LIMK1: variants seen among roughly 807,000 people sequenced by gnomAD.
The protein encoded by LIMK1 is LIM domain kinase 1, also known as LIM motif-containing protein kinase.
A neutral mutation model predicts 77.6 loss-of-function variants in LIMK1; 21 were observed. The ratio of observed to expected loss-of-function variants is 0.27; its 90% CI spans 0.19 to 0.39. The LOEUF (loss-of-function observed/expected upper bound fraction) is 0.39. Among genes scored for constraint, LIMK1 ranks in the 10% least tolerant of loss-of-function variants. The probability of loss-of-function intolerance (pLI) is 1.00; values close to 1 mark genes in which losing one functional copy is unlikely to be tolerated. For synonymous variants in LIMK1, 358 were observed against 370.0 expected, an observed-to-expected ratio of 0.97 and a Z score of 0.37; for missense variants, 696 against 901.6, an observed-to-expected ratio of 0.77 and a Z score of 2.92.
At chr7:74,112,029 T>C in intron 12 of LIMK1, 31 bp downstream of exon 12, 1 of 1,550,262 alleles carries the variant, frequency 6.5e-7, no homozygotes, top group Non-Finnish European at 8.8e-7. Context: ...TGGCTGGGTG[T>C]CAGGAGACAG....
At position 74,120,982 on chromosome 7, in the gene LIMK1, C is replaced by G. The variant is rs782494434; in HGVS notation, c.1714C>G (p.Pro572Ala). 6.2e-7 allele frequency: 1 copy of G among 1,608,930 alleles called. No homozygotes were observed. Among genetic ancestry groups the G allele is most frequent in the African/African-American group, 1.3e-5 (1 of 74,724 alleles). ...GCGAGGATTCCTGGACCGCTACTGC[C>G]CCCCAAACTGCCCCCCGAGCTTCTT... ...NVRGFLDRYC[P>A]PNCPPSFFPI... is the part of the protein sequence containing the mutation. The change falls in exon 15 of 16, where the codon CCC becomes GCC. Residue 572 changes from proline (P) to alanine (A), a missense_variant. Physicochemically the swap from Pro to Ala is conservative, Grantham distance 27. Transcript: ENST00000336180.
At chr7:74,099,914 G>A (rs1278716394) in intron 5 of LIMK1, among the ~76,000 whole-genome samples, 1 of 149,018 alleles carries the variant, frequency 6.7e-6, no homozygotes, top group African/African-American at 2.5e-5. Flanking sequence ...AAGGCCAGAA[G>A]TTTGAGACCA....
At chr7:74,100,894 C>G (rs1554696466) in intron 5 of LIMK1, among the ~76,000 whole-genome samples, 2 of 151,926 alleles carry the variant, frequency 1.3e-5, no homozygotes, top group African/African-American at 2.4e-5. Context: ...TGCCACCATG[C>G]CCGGCTAATT....
intron 13 of LIMK1, among the ~76,000 whole-genome samples, chr7:74,118,893 T>G (rs1218253748): frequency 6.6e-6 from 1 of 151,952 alleles, no homozygotes; most frequent in Non-Finnish European, 1.5e-5. Flanking sequence ...TTGTTTTTTG[T>G]TTTTTGTTTT....
chr7:74,100,729 TTC>T (rs1306840357), intron 5 of LIMK1, among the ~76,000 whole-genome samples: 2 of 142,464 alleles, frequency 1.4e-5, no homozygotes, highest in South Asian at 2.3e-4. Context: ...AGTGCTAGCT[TTC>T]TCTCTCTCTT....
intron 4 of LIMK1, 101 bp from the exon 5 acceptor site, chr7:74,098,931 G>C: frequency 1.2e-6 from 1 of 845,304 alleles, no homozygotes; most frequent in East Asian, 2.5e-5. Flanking sequence ...AAAAAAAAAA[G>C]GAAGGGATTG....
intron 2 of LIMK1, among the ~76,000 whole-genome samples, chr7:74,087,390 C>A (rs1413191336): frequency 6.6e-6 from 1 of 151,910 alleles, no homozygotes; most frequent in East Asian, 1.9e-4. Flanking sequence ...GGCAATAGAG[C>A]GAGACCCAGT....
rs782600773 is a variant in LIMK1, at chr7:74,115,813, G to T, written c.1422G>T (p.Val474=). The T allele has an allele frequency of 6.2e-7, 1 of 1,614,068 alleles. No individual in the cohort carries two copies. Among genetic ancestry groups the T allele is most frequent in the Non-Finnish European group, 8.5e-7 (1 of 1,179,962 alleles). Residue 474 remains valine, a synonymous_variant, in exon 13 of 16, where the codon GTG becomes GTT. Transcript: ENST00000336180. ...HNCLVRENKN[V]VVADFGLARL... ...CTTCACCTTCCCAGAACAAGAATGT[G>T]GTGGTGGCTGACTTCGGGCTGGCGC...
At chr7:74,089,674 C>T (rs565373668) in intron 2 of LIMK1, among the ~76,000 whole-genome samples, 1 of 152,158 alleles carries the variant, frequency 6.6e-6, no homozygotes, top group East Asian at 1.9e-4. Flanking sequence ...AGGAGACATG[C>T]TCATCTGTGT....
intron 2 of LIMK1, chr7:74,093,437 C>A: frequency 9.1e-7 from 1 of 1,103,418 alleles, no homozygotes; most frequent in Non-Finnish European, 1.3e-6. Flanking sequence ...TCGGCTGCAG[C>A]CTGGGAGCAG....
At chr7:74,115,523 G>T (rs1347867124) in intron 12 of LIMK1, 4 of 390,476 alleles carry the variant, frequency 1.0e-5, no homozygotes, top group African/African-American at 4.0e-5. Flanking sequence ...CAGTGGGTCC[G>T]CCACGACGGT....
chr7:74,097,240 ATCT>A, intron 4 of LIMK1, 51 bp downstream of exon 4: 1 of 1,241,574 alleles, frequency 8.1e-7, no homozygotes, highest in Non-Finnish European at 1.1e-6. Context: ...TGTGTCACAG[ATCT>A]GCAAGGGTGC....
chr7:74,105,331 G>A (rs2269083), intron 5 of LIMK1, among the ~76,000 whole-genome samples: 16,007 of 152,004 alleles, frequency 0.11, 856 homozygotes, highest in Non-Finnish European at 0.12. Flanking sequence ...GAAATGTGGT[G>A]TAACCCCGTC....
At chr7:74,096,965 G>A in intron 3 of LIMK1, 115 bp from the exon 4 acceptor site, 1 of 1,040,500 alleles carries the variant, frequency 9.6e-7, no homozygotes, top group African/African-American at 1.6e-5. Flanking sequence ...CAGCTGGCCA[G>A]CCGGGTCCCT....
intron 9 of LIMK1, 87 bp from the exon 10 acceptor site, chr7:74,108,818 C>A: frequency 2.6e-6 from 4 of 1,548,356 alleles, no homozygotes; most frequent in Admixed American, 1.8e-5. Flanking sequence ...CGCCTACAGC[C>A]CCTGGTGGGA....
At chr7:74,092,070 G>A (rs529260801) in intron 2 of LIMK1, among the ~76,000 whole-genome samples, 12 of 147,598 alleles carry the variant, frequency 8.1e-5, no homozygotes, top group Middle Eastern at 3.5e-3. Context: ...GGGTTCAAGC[G>A]ATTCTCCTGC....
At chr7:74,086,744 C>A (rs920356354) in intron 2 of LIMK1, among the ~76,000 whole-genome samples, 1 of 152,038 alleles carries the variant, frequency 6.6e-6, no homozygotes, top group Non-Finnish European at 1.5e-5. Context: ...TGCAATTCAG[C>A]CCCCTGCTGG....
At chr7:74,118,906 G>GTTTTTT (rs1303330686) in intron 13 of LIMK1, among the ~76,000 whole-genome samples, 1 of 151,112 alleles carries the variant, frequency 6.6e-6, no homozygotes, top group African/African-American at 2.5e-5. Context: ...TTTGTTTTTT[G>GTTTTTT]TTTTTTCTGA....
At chr7:74,101,075 T>C (rs1799450318) in intron 5 of LIMK1, among the ~76,000 whole-genome samples, 1 of 152,204 alleles carries the variant, frequency 6.6e-6, no homozygotes, top group African/African-American at 2.4e-5. Flanking sequence ...AGTGAATGTT[T>C]CTTGTACACC....
Sources: gnomAD v4.1 joint callset for allele counts (sites outside exome capture counted in the v4.1 genomes callset) on GRCh38, gnomAD v4.1.1 for gene constraint, MANE v1.5 for transcripts, NCBI Gene and HGNC (gene_info 2026-07-23, HGNC 2026-07-21) for gene names.